Variants in STXBP5L observed in about 807,000 individuals in gnomAD.
STXBP5L encodes syntaxin-binding protein 5-like.
In STXBP5L, 65 loss-of-function variants were observed where a neutral mutation model predicts 144.5. That is an observed-to-expected ratio of 0.45 (90% confidence interval 0.37 to 0.55). The LOEUF (loss-of-function observed/expected upper bound fraction) is 0.55, where lower values mean the gene tolerates loss of function less well. Ranked by LOEUF, STXBP5L falls within the 20% of genes least tolerant of loss-of-function variation. STXBP5L has a pLI of 0.00. For missense variants in STXBP5L, 1,298 were observed against 1,405.5 expected (o/e 0.92, Z 1.22); for synonymous variants, 505 against 469.6 (o/e 1.08, Z -0.97).
chr3:121,020,184 C>T lies in STXBP5L; in HGVS notation c.288-21516C>T, dbSNP rs1337139896. On this transcript the variant is annotated intron_variant, in intron 3 of 26. Coordinates refer to ENST00000471454, the MANE Select transcript of STXBP5L (RefSeq NM_001308330.2). Reference sequence around the variant, plus strand: ...ACAAGTAGAAGAAAGAACTTCAGAACTTGAAGACAGGACTTTTGATTTAAT... The same window carrying T: ...ACAAGTAGAAGAAAGAACTTCAGAATTTGAAGACAGGACTTTTGATTTAAT... Among the ~76,000 whole-genome samples, 4 of 152,152 alleles carry T rather than the reference C, an allele frequency of 2.6e-5. No homozygotes were observed. In the East Asian group the frequency reaches 7.7e-4, roughly 29 times the overall value.
chr3:121,274,407 G>T (rs1314003498), intron 18 of STXBP5L, among the ~76,000 whole-genome samples: 1 of 152,216 alleles, frequency 6.6e-6, no homozygotes, highest in Non-Finnish European at 1.5e-5. Flanking sequence ...TAACTGTAGT[G>T]GTTAAGGCTG....
chr3:121,053,526 A>G (rs1948197269), intron 5 of STXBP5L, among the ~76,000 whole-genome samples: 1 of 152,230 alleles, frequency 6.6e-6, no homozygotes, highest in African/African-American at 2.4e-5. Context: ...TGCTGGGAAA[A>G]CTGGCTAGAC....
intron 3 of STXBP5L, among the ~76,000 whole-genome samples, chr3:121,032,440 AT>A (rs1188978567): frequency 6.6e-6 from 1 of 152,168 alleles, no homozygotes; most frequent in African/African-American, 2.4e-5. Flanking sequence ...CCACTAGGTA[AT>A]AAATTCATGT....
At chr3:121,100,092 T>G (rs987359701) in intron 5 of STXBP5L, among the ~76,000 whole-genome samples, 3 of 152,118 alleles carry the variant, frequency 2.0e-5, no homozygotes, top group African/African-American at 7.2e-5. Flanking sequence ...GCACCCAGAT[T>G]TATAAAACAA....
chr3:121,162,690 C>G (rs756346009), intron 9 of STXBP5L, among the ~76,000 whole-genome samples: 3 of 152,220 alleles, frequency 2.0e-5, no homozygotes, highest in Middle Eastern at 3.4e-3. Context: ...GGGCTAATAT[C>G]TAGAATCTAC....
chr3:121,355,469 G>C (rs948180392), intron 20 of STXBP5L, among the ~76,000 whole-genome samples: 6 of 151,996 alleles, frequency 3.9e-5, no homozygotes, highest in African/African-American at 1.2e-4. Context: ...TCTTCCACTT[G>C]ATCGAATCAG....
chr3:121,392,949 G>T (rs2046632483), intron 22 of STXBP5L, among the ~76,000 whole-genome samples: 1 of 151,644 alleles, frequency 6.6e-6, no homozygotes, highest in African/African-American at 2.4e-5. Context: ...TAAATAGCAG[G>T]TAGTGGGATC....
At chr3:121,231,319 A>C (rs1158545881) in intron 11 of STXBP5L, among the ~76,000 whole-genome samples, 3 of 152,182 alleles carry the variant, frequency 2.0e-5, no homozygotes, top group African/African-American at 4.8e-5. Flanking sequence ...CCCTTCCTGG[A>C]CTTGAATAAG....
intron 20 of STXBP5L, among the ~76,000 whole-genome samples, chr3:121,328,466 C>T (rs367597997): frequency 2.0e-5 from 3 of 152,230 alleles, no homozygotes; most frequent in South Asian, 2.1e-4. Flanking sequence ...CTAGGCTTCA[C>T]GGCTGGGCCT....
At chr3:121,408,507 A>T (rs1367496122) in intron 23 of STXBP5L, among the ~76,000 whole-genome samples, 1 of 151,948 alleles carries the variant, frequency 6.6e-6, no homozygotes, top group African/African-American at 2.4e-5. Context: ...CAGAGGAAAT[A>T]TGGGATTGAA....
intron 5 of STXBP5L, among the ~76,000 whole-genome samples, chr3:121,113,707 C>T (rs1309014357): frequency 7.8e-6 from 1 of 128,586 alleles, no homozygotes; most frequent in Non-Finnish European, 1.6e-5. Context: ...CAGAGTCTTG[C>T]TCTGTCACCA....
Position 121,223,046 on chromosome 3 carries a change from G to A in STXBP5L, c.1000G>A (p.Ala334Thr), listed in dbSNP as rs1387330219. 5 of 1,612,914 alleles carry A rather than the reference G, an allele frequency of 3.1e-6. No individual in the cohort carries two copies. Among genetic ancestry groups the A allele is most frequent in the Non-Finnish European group, 4.2e-6 (5 of 1,179,500 alleles). Reference sequence around the variant, plus strand: ...CTCTGGTGGGCTGTCCTATGACAAAGCTTGTAGAAGACCAAGTTTAACCAT... The same window carrying A: ...CTCTGGTGGGCTGTCCTATGACAAAACTTGTAGAAGACCAAGTTTAACCAT... ...IFSGGLSYDK[A>T]CRRPSLTIMH... is the part of the protein sequence containing the mutation. The change falls in exon 11 of 27, where the codon GCT (alanine) becomes ACT (threonine). Residue 334 changes from alanine (A) to threonine (T), a missense_variant. Physicochemically the swap from Ala to Thr is moderately conservative, Grantham distance 58. Coordinates refer to ENST00000471454, the MANE Select transcript of STXBP5L (RefSeq NM_001308330.2).
chr3:121,138,535 G>A (rs1365152748), intron 7 of STXBP5L, among the ~76,000 whole-genome samples: 1 of 152,056 alleles, frequency 6.6e-6, no homozygotes, highest in Admixed American at 6.6e-5. Flanking sequence ...AACCAAAACA[G>A]CATGGTGCTG....
At chr3:121,205,675 G>T (rs979198444) in intron 9 of STXBP5L, among the ~76,000 whole-genome samples, 1 of 152,094 alleles carries the variant, frequency 6.6e-6, no homozygotes, top group African/African-American at 2.4e-5. Context: ...AGGATGTAAA[G>T]TGATAAAAGT....
intron 20 of STXBP5L, among the ~76,000 whole-genome samples, chr3:121,338,675 A>G (rs187281456): frequency 6.6e-6 from 1 of 151,780 alleles, no homozygotes; most frequent in Non-Finnish European, 1.5e-5. Flanking sequence ...AAAAAAAGAA[A>G]GAGGAAGGAA....
At chr3:121,002,987 G>A (rs1259781368) in intron 3 of STXBP5L, among the ~76,000 whole-genome samples, 1 of 152,162 alleles carries the variant, frequency 6.6e-6, no homozygotes, top group Non-Finnish European at 1.5e-5. Context: ...CCAAGTCCTT[G>A]CTATTGTGAA....
chr3:121,168,456 G>C (rs771133905), intron 9 of STXBP5L, among the ~76,000 whole-genome samples: 3 of 152,148 alleles, frequency 2.0e-5, no homozygotes, highest in Non-Finnish European at 4.4e-5. Flanking sequence ...AAGGTTAGAA[G>C]AATTGCTTAC....
intron 22 of STXBP5L, among the ~76,000 whole-genome samples, chr3:121,390,613 T>A (rs892781143): frequency 6.6e-6 from 1 of 152,238 alleles, no homozygotes; most frequent in Admixed American, 6.5e-5. Flanking sequence ...TATTTGCTTA[T>A]CTGTAAAGGA....
chr3:121,420,326 A>G lies in STXBP5L; in HGVS notation c.*1229A>G, dbSNP rs907913921. The G allele has an allele frequency of 1.3e-5, 2 of 152,182 alleles. No homozygotes were observed. Among genetic ancestry groups the G allele is most frequent in the African/African-American group, 2.4e-5 (1 of 41,470 alleles). 9.4% of individuals were successfully genotyped at this position (152,182 alleles called of 1,614,324 possible). On this transcript the variant is annotated 3_prime_UTR_variant, in exon 27 of 27. Coordinates refer to ENST00000471454, the MANE Select transcript of STXBP5L (RefSeq NM_001308330.2). The stretch of plus-strand genomic sequence containing the variant: ...TATAAAATATAGTGATCTGTTTGCT[A>G]TCTTGGTCTCAGTCATCATTATAGA...
Sources: allele counts gnomAD v4.1 joint callset (sites outside exome capture counted in the v4.1 genomes callset), GRCh38; gene constraint gnomAD v4.1.1; transcripts MANE v1.5; gene names NCBI Gene and HGNC (gene_info 2026-07-23, HGNC 2026-07-21).